The following TBC1D5 variants were observed in gnomAD, a reference collection of about 807,000 sequenced individuals.
TBC1D5 encodes the protein TBC1 domain family, member 5.
A neutral mutation model predicts 100.3 loss-of-function variants in TBC1D5; 75 were observed. The ratio of observed to expected loss-of-function variants is 0.75; its 90% CI spans 0.62 to 0.91. The LOEUF (loss-of-function observed/expected upper bound fraction) is 0.91. Ranked by LOEUF, TBC1D5 falls within the 40% of genes least tolerant of loss-of-function variation. The probability of loss-of-function intolerance (pLI) is 0.00; values close to 1 mark genes in which losing one functional copy is unlikely to be tolerated. For synonymous variants in TBC1D5, 323 were observed against 325.6 expected, an observed-to-expected ratio of 0.99 and a Z score of 0.09; for missense variants, 910 against 942.4, an observed-to-expected ratio of 0.97 and a Z score of 0.45.
chr3:17,374,601 AT>A (rs773183124), intron 11 of TBC1D5, 27 bp downstream of exon 11: 7 of 1,610,338 alleles, frequency 4.3e-6, no homozygotes, highest in East Asian at 2.2e-5. Flanking sequence ...GTATAAAAAA[AT>A]AAAACAAAGA....
chr3:17,296,664 G>GT (rs1559575050), intron 14 of TBC1D5, among the ~76,000 whole-genome samples: 2 of 152,208 alleles, frequency 1.3e-5, no homozygotes, highest in Admixed American at 6.5e-5. Flanking sequence ...TAAAACCCTT[G>GT]TAAGATTTTG....
intron 1 of TBC1D5, among the ~76,000 whole-genome samples, chr3:17,707,702 G>T (rs900422674): frequency 6.6e-6 from 1 of 152,110 alleles, no homozygotes; most frequent in Non-Finnish European, 1.5e-5. Context: ...AGTCAAAACA[G>T]CTTCTTCACA....
intron 1 of TBC1D5, among the ~76,000 whole-genome samples, chr3:17,712,618 A>G (rs1388475865): frequency 1.3e-5 from 2 of 152,204 alleles, no homozygotes; most frequent in Non-Finnish European, 2.9e-5. Flanking sequence ...ACAGCTATGT[A>G]TCGGGAATAC....
intron 3 of TBC1D5, among the ~76,000 whole-genome samples, chr3:17,469,015 G>C (rs1383804638): frequency 1.3e-5 from 2 of 152,160 alleles, no homozygotes; most frequent in Non-Finnish European, 2.9e-5. Flanking sequence ...ATTTCCCGAA[G>C]TCATTTGATG....
intron 5 of TBC1D5, 129 bp downstream of exon 5, chr3:17,406,286 AGAT>A: frequency 1.4e-6 from 1 of 706,526 alleles, no homozygotes; most frequent in East Asian, 2.8e-5. Context: ...AGATAAACAT[AGAT>A]GGTCAAAATA....
At chr3:17,207,818 C>T (rs1315457583) in intron 18 of TBC1D5, among the ~76,000 whole-genome samples, 3 of 152,154 alleles carry the variant, frequency 2.0e-5, no homozygotes, top group African/African-American at 7.2e-5. Context: ...AGACTGATAG[C>T]TACTACTATA....
At chr3:17,356,076 T>A (rs1197846809) in intron 13 of TBC1D5, among the ~76,000 whole-genome samples, 3 of 152,160 alleles carry the variant, frequency 2.0e-5, no homozygotes, top group African/African-American at 7.2e-5. Flanking sequence ...AAGTGATCAT[T>A]GTTGGTTAAA....
intron 2 of TBC1D5, among the ~76,000 whole-genome samples, chr3:17,581,032 G>A (rs981252797): frequency 6.6e-6 from 1 of 152,160 alleles, no homozygotes; most frequent in Non-Finnish European, 1.5e-5. Context: ...CACGTGTCGT[G>A]GGAGGGACCT....
chr3:17,525,494 C>T (rs2096122338), intron 2 of TBC1D5, among the ~76,000 whole-genome samples: 1 of 152,158 alleles, frequency 6.6e-6, no homozygotes, highest in African/African-American at 2.4e-5. Flanking sequence ...CCAGTTCCTA[C>T]AATTGTGAAG....
At chr3:17,670,360 G>T (rs974895392) in intron 1 of TBC1D5, among the ~76,000 whole-genome samples, 1 of 152,156 alleles carries the variant, frequency 6.6e-6, no homozygotes, top group African/African-American at 2.4e-5. Context: ...TATGGTGTCC[G>T]TAATTTATTT....
intron 1 of TBC1D5, among the ~76,000 whole-genome samples, chr3:17,704,265 A>C (rs1464979514): frequency 6.9e-6 from 1 of 144,262 alleles, no homozygotes; most frequent in African/African-American, 2.5e-5. Context: ...CAGGATCCCA[A>C]GGCAGAGGAA....
intron 1 of TBC1D5, among the ~76,000 whole-genome samples, chr3:17,683,780 A>AT (rs1012146557): frequency 2.0e-5 from 3 of 152,214 alleles, no homozygotes; most frequent in African/African-American, 7.2e-5. Context: ...AACAGTAGTT[A>AT]TATCACTGTG....
chr3:17,539,895 T>C (rs2096331388), intron 2 of TBC1D5, among the ~76,000 whole-genome samples: 1 of 152,210 alleles, frequency 6.6e-6, no homozygotes, highest in African/African-American at 2.4e-5. Flanking sequence ...AATTCTATTT[T>C]CAATATTTAT....
intron 1 of TBC1D5, among the ~76,000 whole-genome samples, chr3:17,670,644 A>T (rs1002678127): frequency 6.6e-6 from 1 of 152,266 alleles, no homozygotes. Flanking sequence ...CATACTAATC[A>T]TCTCAGTTGA....
At chr3:17,306,779 T>C (rs1411917292) in intron 14 of TBC1D5, among the ~76,000 whole-genome samples, 1 of 152,120 alleles carries the variant, frequency 6.6e-6, no homozygotes, top group Non-Finnish European at 1.5e-5. Context: ...TCATTCCTTT[T>C]ATTATTATTT....
At chr3:17,440,334 A>C (rs897979759) in intron 3 of TBC1D5, among the ~76,000 whole-genome samples, 9 of 152,284 alleles carry the variant, frequency 5.9e-5, no homozygotes, top group South Asian at 2.1e-4. Flanking sequence ...TCAGTAAAAG[A>C]AGGGCTATAG....
intron 13 of TBC1D5, among the ~76,000 whole-genome samples, chr3:17,331,485 G>A (rs139143641): frequency 6.6e-6 from 1 of 151,946 alleles, no homozygotes; most frequent in Non-Finnish European, 1.5e-5. Context: ...ATACAATGAC[G>A]TATTACTAAA....
intron 2 of TBC1D5, among the ~76,000 whole-genome samples, chr3:17,549,354 T>C (rs2096451677): frequency 6.6e-6 from 1 of 152,172 alleles, no homozygotes; most frequent in Non-Finnish European, 1.5e-5. Flanking sequence ...CTTTTCTATA[T>C]CTTATTTGTA....
At chr3:17,610,980 AGCCTG>A (rs1420540688) in intron 2 of TBC1D5, among the ~76,000 whole-genome samples, 1 of 152,210 alleles carries the variant, frequency 6.6e-6, no homozygotes, top group Non-Finnish European at 1.5e-5. Context: ...ATTGCACTCC[AGCCTG>A]GGCGACAAGA....
Sources: allele counts gnomAD v4.1 joint callset (sites outside exome capture counted in the v4.1 genomes callset), GRCh38; gene constraint gnomAD v4.1.1; transcripts MANE v1.5; gene names NCBI Gene and HGNC (gene_info 2026-07-23, HGNC 2026-07-21).